The following TRPC7 variants were observed in gnomAD, a reference collection of about 807,000 sequenced individuals.
The protein encoded by TRPC7 is transient receptor potential cation channel subfamily C member 7, also known as short transient receptor potential channel 7.
In TRPC7, 42 loss-of-function variants were observed where a neutral mutation model predicts 90.1. The observed-to-expected ratio is 0.47, with a 90% CI of 0.36 to 0.60. The LOEUF is 0.60. Ranked by LOEUF, TRPC7 falls within the 20% of genes least tolerant of loss-of-function variation. TRPC7 has a pLI of 0.00. For missense variants in TRPC7, 955 were observed against 1,112.3 expected (o/e 0.86, Z 2.01); for synonymous variants, 451 against 436.3 (o/e 1.03, Z -0.42).
intron 2 of TRPC7, among the ~76,000 whole-genome samples, chr5:136,340,229 C>T (rs1759802223): frequency 6.6e-6 from 1 of 152,026 alleles, no homozygotes; most frequent in South Asian, 2.1e-4. Context: ...CAGACAAATA[C>T]CACATGATTT....
chr5:136,362,468 A>G (rs561399408), intron 1 of TRPC7, among the ~76,000 whole-genome samples: 1 of 152,350 alleles, frequency 6.6e-6, no homozygotes, highest in South Asian at 2.1e-4. Flanking sequence ...AGGTAAGTAC[A>G]TAAATCATTA....
At chr5:136,282,786 C>T (rs1423375886) in intron 3 of TRPC7, among the ~76,000 whole-genome samples, 1 of 152,134 alleles carries the variant, frequency 6.6e-6, no homozygotes, top group Non-Finnish European at 1.5e-5. Context: ...AAACCTAGTA[C>T]CATTGGCAGA....
intron 2 of TRPC7, among the ~76,000 whole-genome samples, chr5:136,340,637 A>T (rs924943582): frequency 2.0e-5 from 3 of 152,136 alleles, no homozygotes; most frequent in East Asian, 3.8e-4. Context: ...CATAAGCCAA[A>T]CTGAAAAAAC....
At chr5:136,320,113 T>A (rs1759143917) in intron 2 of TRPC7, among the ~76,000 whole-genome samples, 1 of 151,830 alleles carries the variant, frequency 6.6e-6, no homozygotes, top group Non-Finnish European at 1.5e-5. Context: ...CTGGATCTAG[T>A]CTCCTACCTT....
At chr5:136,334,622 C>T (rs1759595909) in intron 2 of TRPC7, among the ~76,000 whole-genome samples, 1 of 152,194 alleles carries the variant, frequency 6.6e-6, no homozygotes, top group African/African-American at 2.4e-5. Context: ...GCTCTGGGCT[C>T]CCACAGCCTT....
intron 3 of TRPC7, among the ~76,000 whole-genome samples, chr5:136,295,487 C>T (rs901426310): frequency 2.0e-5 from 3 of 152,118 alleles, no homozygotes; most frequent in Admixed American, 1.3e-4. Flanking sequence ...GCCTGCTAGG[C>T]AGGGTGAGCT....
intron 5 of TRPC7, among the ~76,000 whole-genome samples, chr5:136,258,791 T>C (rs2040398407): frequency 6.6e-6 from 1 of 152,206 alleles, no homozygotes; most frequent in Non-Finnish European, 1.5e-5. Flanking sequence ...GTACATTCTT[T>C]AAATGGTCCT....
intron 3 of TRPC7, among the ~76,000 whole-genome samples, chr5:136,307,679 G>T (rs1758686350): frequency 1.3e-5 from 2 of 152,294 alleles, no homozygotes; most frequent in African/African-American, 4.8e-5. Context: ...CGCAAGCTGG[G>T]GGTAGGGTGC....
chr5:136,282,730 CAT>C (rs561015569), intron 3 of TRPC7, among the ~76,000 whole-genome samples: 62 of 152,268 alleles, frequency 4.1e-4, no homozygotes, highest in African/African-American at 1.3e-3. Flanking sequence ...TTAGAAATAA[CAT>C]GTGTGTAACC....
chr5:136,222,639 C>T lies in TRPC7; in HGVS notation c.2343+2635G>A, dbSNP rs1174307764. Reference sequence around the variant, plus strand: ...CCCAGTGCCTTCTGCTCCTTGCCTCCTCACTGTGTGCTTGGAAGGCTCAAA... The same window carrying T: ...CCCAGTGCCTTCTGCTCCTTGCCTCTTCACTGTGTGCTTGGAAGGCTCAAA... On this transcript the variant is annotated intron_variant, in intron 10 of 11. Coordinates refer to ENST00000513104, the MANE Select transcript of TRPC7 (RefSeq NM_020389.3). 3.3e-5 allele frequency among the ~76,000 whole-genome samples: 5 copies of T among 152,232 alleles called. No individual in the cohort carries two copies. In the East Asian group the frequency reaches 9.6e-4, roughly 29 times the overall value.
At position 136,354,021 on chromosome 5, in the gene TRPC7, G is replaced by A. The variant is rs998051490; in HGVS notation, c.780+2587C>T. On this transcript the variant is annotated intron_variant, in intron 2 of 11. Transcript: ENST00000513104. ...TCATTTTATTTAGTAAGGCTGTCAT[G>A]CTCCCACATATGGTAGAGAACTGTG... Among the ~76,000 whole-genome samples, 3 of 152,186 alleles carry A rather than the reference G, an allele frequency of 2.0e-5. No homozygotes were observed. In the East Asian group the frequency reaches 5.8e-4, roughly 29 times the overall value.
chr5:136,354,796 C>T (rs1760309704), intron 2 of TRPC7, among the ~76,000 whole-genome samples: 1 of 152,216 alleles, frequency 6.6e-6, no homozygotes, highest in South Asian at 2.1e-4. Context: ...TACAGGAAGC[C>T]TGTATTTGAG....
At chr5:136,352,871 T>G (rs1301141321) in intron 2 of TRPC7, among the ~76,000 whole-genome samples, 1 of 152,236 alleles carries the variant, frequency 6.6e-6, no homozygotes, top group Non-Finnish European at 1.5e-5. Context: ...TAAGTTTCTT[T>G]AGAGCTTCCT....
At chr5:136,246,304 C>T (rs1222116937) in intron 7 of TRPC7, among the ~76,000 whole-genome samples, 1 of 152,226 alleles carries the variant, frequency 6.6e-6, no homozygotes, top group Non-Finnish European at 1.5e-5. Context: ...CCCAGCCAGG[C>T]ATGGAGAGCA....
intron 1 of TRPC7, among the ~76,000 whole-genome samples, chr5:136,360,031 A>G (rs545935976): frequency 6.6e-6 from 1 of 152,300 alleles, no homozygotes; most frequent in Non-Finnish European, 1.5e-5. Context: ...GCACTTTTCC[A>G]TTAGAGGTCT....
Position 136,251,674 on chromosome 5 carries a change from C to T in TRPC7, c.1554G>A (p.Pro518=), listed in dbSNP as rs536659232. Residue 518 remains proline, a synonymous_variant, in exon 6 of 12, where the codon CCG becomes CCA. Transcript: ENST00000513104. ...CGTAGGTGAAGTATGCCACTTCCGG[C>T]GGAAGCGAGACATTGTGCAGCGTGT... The part of the protein sequence containing the change: ...QDDTLHNVSL[P]PEVAYFTYAR... 7 of 1,609,466 alleles carry T rather than the reference C, an allele frequency of 4.3e-6. No individual in the cohort carries two copies. In the South Asian group the frequency reaches 4.4e-5, roughly 10 times the overall value.
At chr5:136,265,043 G>T (rs569795010) in intron 5 of TRPC7, among the ~76,000 whole-genome samples, 3 of 152,232 alleles carry the variant, frequency 2.0e-5, no homozygotes, top group African/African-American at 7.2e-5. Context: ...GCATCCATAG[G>T]ATGTTCTCTA....
chr5:136,236,980 G>C (rs1756000783), intron 7 of TRPC7, among the ~76,000 whole-genome samples: 1 of 152,208 alleles, frequency 6.6e-6, no homozygotes, highest in African/African-American at 2.4e-5. Context: ...CACTCTGCTA[G>C]AGTTCTGCTG....
chr5:136,252,177 CACTTTAAGAACTTTAAGA>C (rs369275418), intron 5 of TRPC7, among the ~76,000 whole-genome samples: 1 of 152,144 alleles, frequency 6.6e-6, no homozygotes, highest in Admixed American at 6.5e-5. Flanking sequence ...GACATTTATA[CACTTTAAGAACTTTAAGA>C]ACTTAAAGAA....
Sources: gnomAD v4.1 joint callset for allele counts (sites outside exome capture counted in the v4.1 genomes callset) on GRCh38, gnomAD v4.1.1 for gene constraint, MANE v1.5 for transcripts, NCBI Gene and HGNC (gene_info 2026-07-23, HGNC 2026-07-21) for gene names.